Variants in PTK2 observed in about 807,000 individuals in gnomAD.
PTK2 encodes protein tyrosine kinase 2.
PTK2 carries 45 observed loss-of-function variants against 150.1 expected under a neutral mutation model. The ratio of observed to expected loss-of-function variants is 0.30; its 90% CI spans 0.24 to 0.38. The LOEUF (loss-of-function observed/expected upper bound fraction) is 0.38. PTK2 is among the 10% of genes least tolerant of loss of function. The probability of loss-of-function intolerance (pLI) is 1.00; values close to 1 mark genes in which losing one functional copy is unlikely to be tolerated. For missense variants in PTK2, 919 were observed against 1,307.3 expected, an observed-to-expected ratio of 0.70 and a Z score of 4.58; for synonymous variants, 432 against 449.2, an observed-to-expected ratio of 0.96 and a Z score of 0.48.
At chr8:140,671,458 G>A (rs2095394291) in intron 29 of PTK2, among the ~76,000 whole-genome samples, 1 of 152,160 alleles carries the variant, frequency 6.6e-6, no homozygotes, top group South Asian at 2.1e-4. Flanking sequence ...TTGGTCTCAA[G>A]CAATCCACTT....
intron 11 of PTK2, among the ~76,000 whole-genome samples, chr8:140,801,175 C>G (rs1318528978): frequency 6.6e-6 from 1 of 152,254 alleles, no homozygotes; most frequent in South Asian, 2.1e-4. Flanking sequence ...AGAAGAGTGA[C>G]GAGGCATCAG....
At chr8:140,930,396 A>G (rs368704591) in intron 1 of PTK2, among the ~76,000 whole-genome samples, 4 of 151,926 alleles carry the variant, frequency 2.6e-5, no homozygotes, top group East Asian at 1.9e-4. Context: ...AATGTGCCAC[A>G]CTCTCCTGAT....
intron 5 of PTK2, among the ~76,000 whole-genome samples, chr8:140,863,918 T>A (rs2100137775): frequency 6.6e-6 from 1 of 152,250 alleles, no homozygotes; most frequent in Non-Finnish European, 1.5e-5. Context: ...TTACCTTACA[T>A]GTATTTATTG....
chr8:140,726,158 G>A (rs2100045666), intron 22 of PTK2, among the ~76,000 whole-genome samples: 1 of 152,068 alleles, frequency 6.6e-6, no homozygotes, highest in South Asian at 2.1e-4. Flanking sequence ...GTACCTGAAG[G>A]TAAGTCAGTA....
At chr8:140,774,361 A>G (rs866098680) in intron 14 of PTK2, among the ~76,000 whole-genome samples, 1 of 152,338 alleles carries the variant, frequency 6.6e-6, no homozygotes, top group Middle Eastern at 3.4e-3. Flanking sequence ...ACACATTTAG[A>G]TAAGAAAAGC....
chr8:140,910,545 C>A (rs2100162707), intron 2 of PTK2, among the ~76,000 whole-genome samples: 1 of 151,802 alleles, frequency 6.6e-6, no homozygotes, highest in African/African-American at 2.4e-5. Context: ...GACTCCAACC[C>A]TTGAAAGTGA....
chr8:140,902,877 A>T (rs1463214005), intron 2 of PTK2, among the ~76,000 whole-genome samples: 1 of 140,038 alleles, frequency 7.1e-6, no homozygotes, highest in Non-Finnish European at 1.5e-5. Flanking sequence ...CAGATTACAA[A>T]AATTTTCTCC....
chr8:140,991,871 T>A (rs1475313917), intron 1 of PTK2, among the ~76,000 whole-genome samples: 1 of 152,016 alleles, frequency 6.6e-6, no homozygotes, highest in African/African-American at 2.4e-5. Context: ...CAGCTAGGCG[T>A]AGTGGCATGC....
At chr8:140,749,040 A>C (rs1317676144) in intron 17 of PTK2, among the ~76,000 whole-genome samples, 1 of 152,232 alleles carries the variant, frequency 6.6e-6, no homozygotes, top group Non-Finnish European at 1.5e-5. Flanking sequence ...TGTGAGAAAA[A>C]ACTGTGAAAG....
At chr8:140,689,222 G>A (rs1280125592) in intron 26 of PTK2, among the ~76,000 whole-genome samples, 1 of 152,190 alleles carries the variant, frequency 6.6e-6, no homozygotes, top group African/African-American at 2.4e-5. Context: ...CTGAGGTTCT[G>A]CCACTGCCTG....
At chr8:140,841,761 T>C (rs147824357) in intron 7 of PTK2, among the ~76,000 whole-genome samples, 4 of 152,066 alleles carry the variant, frequency 2.6e-5, no homozygotes, top group African/African-American at 9.6e-5. Context: ...AAAGCTTATT[T>C]AAAATATAGT....
chr8:140,679,764 T>C (rs1178480124), intron 27 of PTK2, among the ~76,000 whole-genome samples: 1 of 152,248 alleles, frequency 6.6e-6, no homozygotes, highest in Non-Finnish European at 1.5e-5. Context: ...TAGGCAGTTA[T>C]TAATGTTTAC....
intron 4 of PTK2, among the ~76,000 whole-genome samples, chr8:140,864,957 T>A (rs1359488769): frequency 6.6e-6 from 1 of 152,178 alleles, no homozygotes; most frequent in Admixed American, 6.5e-5. Context: ...GGATAACAAA[T>A]ACATCCATTA....
chr8:140,886,230 G>A (rs1216080474), intron 3 of PTK2, among the ~76,000 whole-genome samples: 3 of 152,214 alleles, frequency 2.0e-5, no homozygotes, highest in Admixed American at 2.0e-4. Context: ...GCACTGGATG[G>A]TTATTTTGTA....
In PTK2 at chr8:140,761,411, TAAAC is replaced by T. The variant is rs574293205; in HGVS notation, c.1235-153_1235-150del. 3.2e-4 allele frequency: 226 copies of T among 713,010 alleles called. 2 individuals carry two copies. The highest frequency in any genetic ancestry group is 2.9e-3 in the Middle Eastern group (8 of 2,750). 44.2% of individuals were successfully genotyped at this position (713,010 alleles called of 1,614,324 possible). A position where few individuals can be genotyped will look rare whatever the true frequency, so the allele number is the denominator to read the frequency against. Reference sequence around the variant, plus strand: ...TGCTTTAAACACAGTGGAATTCTCTTAAACAATATTTTAACAGGAATTCATGTAA... The same window carrying T: ...TGCTTTAAACACAGTGGAATTCTCTTAATATTTTAACAGGAATTCATGTAA... On this transcript the variant is annotated intron_variant, in intron 15 of 31. Transcript: ENST00000522684.
At chr8:140,738,913 T>C in intron 21 of PTK2, 105 bp downstream of exon 24, 1 of 659,658 alleles carries the variant, frequency 1.5e-6, no homozygotes, top group Admixed American at 3.4e-5. Context: ...ATGATCAGGT[T>C]AGGGAAGGCA....
intron 1 of PTK2, among the ~76,000 whole-genome samples, chr8:141,000,125 A>C (rs1477370594): frequency 7.8e-5 from 11 of 141,894 alleles, no homozygotes; most frequent in Non-Finnish European, 1.7e-4. Flanking sequence ...ACACACACAC[A>C]CCCCTTCTTC....
chr8:140,868,416 A>C (rs2100140624), intron 4 of PTK2, among the ~76,000 whole-genome samples: 1 of 152,274 alleles, frequency 6.6e-6, no homozygotes. Flanking sequence ...TAATCACTGC[A>C]AGACAGAATC....
chr8:140,736,179 A>C (rs1055858591), intron 21 of PTK2, among the ~76,000 whole-genome samples: 1 of 152,278 alleles, frequency 6.6e-6, no homozygotes, highest in Non-Finnish European at 1.5e-5. Flanking sequence ...ATGCCACGGA[A>C]TACTATGCAG....
Sources: gnomAD v4.1 joint callset for allele counts (sites outside exome capture counted in the v4.1 genomes callset) on GRCh38, gnomAD v4.1.1 for gene constraint, MANE v1.5 for transcripts, NCBI Gene and HGNC (gene_info 2026-07-23, HGNC 2026-07-21) for gene names.